Variants in RICTOR observed in about 807,000 individuals in gnomAD.
The protein encoded by RICTOR is rapamycin-insensitive companion of mTOR.
In RICTOR, 49 loss-of-function variants were observed where a neutral mutation model predicts 214.9. The observed-to-expected ratio is 0.23, with a 90% CI of 0.18 to 0.29. The LOEUF (loss-of-function observed/expected upper bound fraction) is 0.29, where lower values mean the gene tolerates loss of function less well. RICTOR is among the 10% of genes least tolerant of loss of function. The probability of loss-of-function intolerance (pLI) is 1.00; values close to 1 mark genes in which losing one functional copy is unlikely to be tolerated. For missense variants in RICTOR, 1,625 were observed against 2,047.0 expected, an observed-to-expected ratio of 0.79 and a Z score of 3.98; for synonymous variants, 717 against 711.3, an observed-to-expected ratio of 1.01 and a Z score of -0.13.
chr5:39,047,176 G>A (rs571558337), intron 2 of RICTOR, among the ~76,000 whole-genome samples: 14 of 152,264 alleles, frequency 9.2e-5, no homozygotes, highest in Admixed American at 3.9e-4. Flanking sequence ...AGACACTTTA[G>A]AACAGTAGTC....
In RICTOR at chr5:38,962,956, G is replaced by T; in HGVS notation, c.1486C>A (p.His496Asn). ...GTTGCAATTGCTTTCTGAATAATGT[G>T]GTCTAAATGAAGACTATAAGGCTTA... ...GPKPYSLHLD[H>N]IIQKAIATHQ... The change falls in exon 17 of 38, where the codon CAC becomes AAC. Residue 496 changes from histidine (H) to asparagine (N), a missense_variant. His to Asn is a moderately conservative substitution (Grantham distance 68, BLOSUM62 1). This residue lies in a region of RICTOR where 1,214 missense variants were observed against 1,470.5 expected (regional missense o/e 0.83). Coordinates refer to ENST00000357387, the MANE Select transcript of RICTOR (RefSeq NM_152756.5). 6.2e-7 allele frequency: 1 copy of T among 1,612,040 alleles called. No individual in the cohort carries two copies. Among genetic ancestry groups the T allele is most frequent in the South Asian group, 1.1e-5 (1 of 91,020 alleles).
intron 8 of RICTOR, among the ~76,000 whole-genome samples, chr5:38,980,682 C>CA (rs1751646857): frequency 6.6e-6 from 1 of 151,934 alleles, no homozygotes; most frequent in South Asian, 2.1e-4. Context: ...CCCGTCTCTA[C>CA]AAAAAATACA....
intron 6 of RICTOR, among the ~76,000 whole-genome samples, chr5:38,995,153 T>C (rs147214605): frequency 1.4e-4 from 21 of 152,278 alleles, no homozygotes; most frequent in East Asian, 5.8e-4. Flanking sequence ...TTGGAAAATA[T>C]AGTCATTCCT....
chr5:38,944,392 C>G, intron 36 of RICTOR, 54 bp downstream of exon 36: 3 of 1,549,860 alleles, frequency 1.9e-6, no homozygotes, highest in Non-Finnish European at 2.6e-6. Flanking sequence ...AGTATCTTTT[C>G]TCGACTTAAA....
rs1285599078 is a variant in RICTOR, at chr5:39,021,120, T to G, written c.114A>C (p.Leu38Phe). 2.0e-5 allele frequency: 32 copies of G among 1,581,498 alleles called. 1 individual carries two copies. The Admixed American group carries it at 5.2e-4, about 26-fold the overall frequency. ...TGGCCACATTTTGGAGAATCTCTCTTAAGTTATCAGAAGGTTCTAGAAGGA... is the reference window on the plus strand; with the variant it reads ...TGGCCACATTTTGGAGAATCTCTCTGAAGTTATCAGAAGGTTCTAGAAGGA... The part of the protein sequence containing the change: ...LDLTREPSDN[L>F]REILQNVARL... The change falls in exon 3 of 38, where the codon TTA (leucine) becomes TTC (phenylalanine). Residue 38 changes from leucine to phenylalanine, a missense_variant. This residue lies in a region of RICTOR where 71 missense variants were observed against 57.9 expected (regional missense o/e 1.23). Coordinates refer to ENST00000357387, the MANE Select transcript of RICTOR (RefSeq NM_152756.5).
At chr5:38,963,640 G>A (rs1221300530) in intron 16 of RICTOR, among the ~76,000 whole-genome samples, 1 of 151,924 alleles carries the variant, frequency 6.6e-6, no homozygotes, top group Non-Finnish European at 1.5e-5. Flanking sequence ...ATATTGGGAT[G>A]TGCTGACTGG....
rs79717006 is a variant in RICTOR, at chr5:38,959,047, A to G, written c.2178+148T>C. On this transcript the variant is annotated intron_variant, in intron 22 of 37. Transcript: ENST00000357387. ...CCCCCGATACAAAAATCTGAGTACT[A>G]TATGCAGTTCCTTGGAGAAACTAAA... The G allele has an allele frequency of 9.3e-4, 622 of 667,084 alleles. 2 individuals carry two copies. Among genetic ancestry groups the G allele is most frequent in the African/African-American group, 7.8e-3 (406 of 51,746 alleles). 41.3% of individuals were successfully genotyped at this position (667,084 alleles called of 1,614,324 possible).
At position 38,950,387 on chromosome 5, in the gene RICTOR, T is replaced by C. The variant is rs61748209; in HGVS notation, c.3461A>G (p.Gln1154Arg). The C allele has an allele frequency of 1.9e-6, 3 of 1,613,398 alleles. No homozygotes were observed. The highest frequency in any genetic ancestry group is 1.7e-4 in the Middle Eastern group (1 of 6,054). ...SDDFTPISTVQKTLQLETSFM... is the reference protein window; with the variant it reads ...SDDFTPISTVRKTLQLETSFM... Reference sequence around the variant, plus strand: ...TGAAGTCTCTAATTGTAATGTTTTCTGTACAGTGGATATGGGTGTAAAATC... The same window carrying C: ...TGAAGTCTCTAATTGTAATGTTTTCCGTACAGTGGATATGGGTGTAAAATC... The change falls in exon 31 of 38, where the codon CAG (glutamine) becomes CGG (arginine). Residue 1154 changes from glutamine to arginine, a missense_variant. Gln to Arg is a conservative substitution (Grantham distance 43, BLOSUM62 1). Around this residue, in one of 5 missense-constraint regions of RICTOR, gnomAD observed 1,214 missense variants for 1,470.5 expected, o/e 0.83. Coordinates refer to ENST00000357387, the MANE Select transcript of RICTOR (RefSeq NM_152756.5).
At position 39,026,473 on chromosome 5, in the gene RICTOR, C is replaced by T. The variant is rs142137916; in HGVS notation, c.98-5337G>A. On this transcript the variant is annotated intron_variant, in intron 2 of 37. Coordinates refer to ENST00000357387, the MANE Select transcript of RICTOR (RefSeq NM_152756.5). ...CTAGAATTACAGTGGCTCTTTTCAT[C>T]ATATTGTGTAGACTGTAAATACTAC... Among the ~76,000 whole-genome samples, 340 of 152,270 alleles carry T rather than the reference C, an allele frequency of 2.2e-3. 1 individual carries two copies. The highest frequency in any genetic ancestry group is 7.7e-3 in the African/African-American group (321 of 41,554).
intron 2 of RICTOR, among the ~76,000 whole-genome samples, chr5:39,029,782 T>C (rs965423206): frequency 1.3e-5 from 2 of 152,190 alleles, no homozygotes; most frequent in African/African-American, 4.8e-5. Flanking sequence ...TTTTGCAAAA[T>C]GTGAGATATA....
rs759153590 is a variant in RICTOR, at chr5:38,950,404, T to C, written c.3444A>G (p.Thr1148=). Residue 1148 remains threonine, a synonymous_variant, in exon 31 of 38, where the codon ACA becomes ACG. Coordinates refer to ENST00000357387, the MANE Select transcript of RICTOR (RefSeq NM_152756.5). ...SVDFNHSDDF[T]PISTVQKTLQ... is the part of the protein sequence containing the mutation. ...ATGTTTTCTGTACAGTGGATATGGG[T>C]GTAAAATCATCACTATGATTAAAAT... 5 of 1,613,096 alleles carry C rather than the reference T, an allele frequency of 3.1e-6. No homozygotes were observed. In the Admixed American group the frequency reaches 6.7e-5, roughly 22 times the overall value.
At chr5:39,027,814 A>G (rs1033591485) in intron 2 of RICTOR, among the ~76,000 whole-genome samples, 2 of 152,326 alleles carry the variant, frequency 1.3e-5, no homozygotes, top group East Asian at 3.9e-4. Flanking sequence ...ATTATCTGAC[A>G]TAAGTATCTA....
rs370048970 is a variant in RICTOR at position 38,978,570 on chromosome 5, C to T, written c.821+13G>A. ...CATTATCTTAAAAATTATTAGGAAC[C>T]AATGTTACTTACTTGAGCTGTCCTT... On this transcript the variant is annotated intron_variant, in intron 9 of 37. Transcript: ENST00000357387. 1 of 1,427,060 alleles carries T rather than the reference C, an allele frequency of 7.0e-7. No individual in the cohort carries two copies. The highest frequency in any genetic ancestry group is 9.8e-7 in the Non-Finnish European group (1 of 1,023,796). The allele number at this position is 1,427,060 out of a possible 1,614,324, so 88.4% of individuals were successfully genotyped here.
intron 2 of RICTOR, chr5:39,022,513 A>G (rs1755506919): frequency 6.5e-6 from 1 of 153,848 alleles, no homozygotes; most frequent in Non-Finnish European, 1.5e-5. Flanking sequence ...CATCAGACCC[A>G]TGAAGGGAGT....
chr5:38,971,877 C>T lies in RICTOR; in HGVS notation c.972G>A (p.Arg324=), dbSNP rs1750816939. ...AACAATCCTAATAACTTTTACCTAC[C>T]CTTATTTCCATATTTGGTATGCAAA... The part of the protein sequence containing the change: ...GVLCIPNMEI[R]RGLLEVLYDI... The change falls in exon 11 of 38, where the codon AGG becomes AGA. Residue 324 remains arginine, a splice_region_variant and synonymous_variant. Transcript: ENST00000357387. The T allele has an allele frequency of 1.6e-6, 2 of 1,264,948 alleles. No individual in the cohort carries two copies. Among genetic ancestry groups the T allele is most frequent in the Non-Finnish European group, 1.2e-6 (1 of 867,884 alleles). The allele number at this position is 1,264,948 out of a possible 1,614,324, so 78.4% of individuals were successfully genotyped here.
chr5:39,012,426 G>A (rs551394419), intron 3 of RICTOR, among the ~76,000 whole-genome samples: 12 of 152,108 alleles, frequency 7.9e-5, no homozygotes, highest in Admixed American at 3.3e-4. Context: ...ACCCAGTCTC[G>A]GGCAGTTCTT....
chr5:38,987,475 C>T (rs979012155), intron 7 of RICTOR, among the ~76,000 whole-genome samples: 7 of 152,074 alleles, frequency 4.6e-5, no homozygotes, highest in South Asian at 2.1e-4. Context: ...TCCATTTATT[C>T]GAGATTTTCT....
At chr5:38,968,408 T>C (rs1363206727) in intron 11 of RICTOR, among the ~76,000 whole-genome samples, 1 of 152,002 alleles carries the variant, frequency 6.6e-6, no homozygotes, top group Non-Finnish European at 1.5e-5. Flanking sequence ...ACTATGTTAC[T>C]GGTTTACATA....
intron 7 of RICTOR, among the ~76,000 whole-genome samples, chr5:38,990,745 G>GATATATATC (rs1491116178): frequency 0.21 from 5,090 of 24,592 alleles, 666 homozygotes; most frequent in East Asian, 0.33. Flanking sequence ...TGATATATAT[G>GATATATATC]AGATATATGA....
Sources: gnomAD v4.1 joint callset for allele counts (sites outside exome capture counted in the v4.1 genomes callset) on GRCh38, gnomAD v4.1.1 for gene constraint, gnomAD v4.1.1 regional missense constraint, MANE v1.5 for transcripts, NCBI Gene and HGNC (gene_info 2026-07-23, HGNC 2026-07-21) for gene names.